GRID1: variants seen among roughly 807,000 people sequenced by gnomAD.
GRID1 encodes the protein glutamate ionotropic receptor delta type subunit 1.
A neutral mutation model predicts 98.0 loss-of-function variants in GRID1; 28 were observed. The ratio of observed to expected loss-of-function variants is 0.29; its 90% CI spans 0.21 to 0.39. The LOEUF (loss-of-function observed/expected upper bound fraction) is 0.39. Ranked by LOEUF, GRID1 falls within the 10% of genes least tolerant of loss-of-function variation. The pLI, the probability that GRID1 is intolerant of heterozygous loss-of-function variation, is 1.00. For synonymous variants in GRID1, 553 were observed against 538.5 expected (o/e 1.03, Z -0.37); for missense variants, 1,111 against 1,340.5 (o/e 0.83, Z 2.67).
intron 4 of GRID1, among the ~76,000 whole-genome samples, chr10:86,134,086 G>A (rs896525675): frequency 1.3e-5 from 2 of 152,238 alleles, no homozygotes; most frequent in Admixed American, 1.3e-4. Context: ...CAAAGCCCTG[G>A]AGTCCTCAAA....
At chr10:86,102,278 C>A (rs1307533944) in intron 4 of GRID1, among the ~76,000 whole-genome samples, 2 of 152,358 alleles carry the variant, frequency 1.3e-5, no homozygotes, top group African/African-American at 4.8e-5. Context: ...CTGATGCCAG[C>A]AATGGCTTAG....
At chr10:85,935,196 T>G (rs1841910348) in intron 4 of GRID1, among the ~76,000 whole-genome samples, 1 of 152,164 alleles carries the variant, frequency 6.6e-6, no homozygotes. Flanking sequence ...AGATGTTTCC[T>G]TATTCACCCA....
At chr10:85,869,563 C>T (rs1589281279) in intron 5 of GRID1, among the ~76,000 whole-genome samples, 2 of 152,214 alleles carry the variant, frequency 1.3e-5, no homozygotes, top group African/African-American at 2.4e-5. Context: ...CTGGGTTTCT[C>T]TGCCATAGTT....
At chr10:86,321,112 G>A (rs4933389) in intron 2 of GRID1, among the ~76,000 whole-genome samples, 9 of 75,592 alleles carry the variant, frequency 1.2e-4, no homozygotes, top group Non-Finnish European at 2.3e-4. Context: ...AAAAAAAAAA[G>A]AAAAAAAGCA....
At chr10:86,307,661 T>G (rs1045656771) in intron 2 of GRID1, among the ~76,000 whole-genome samples, 4 of 152,184 alleles carry the variant, frequency 2.6e-5, no homozygotes, top group South Asian at 2.1e-4. Flanking sequence ...TACTTCAAAT[T>G]TACTAAGAGA....
intron 2 of GRID1, among the ~76,000 whole-genome samples, chr10:86,315,345 C>T (rs552045204): frequency 7.4e-4 from 112 of 152,304 alleles, no homozygotes; most frequent in Non-Finnish European, 1.4e-3. Context: ...AGCCAGCACT[C>T]CTGGACCCCA....
intron 12 of GRID1, among the ~76,000 whole-genome samples, chr10:85,674,547 T>C (rs1021477234): frequency 1.3e-5 from 2 of 152,214 alleles, no homozygotes; most frequent in Non-Finnish European, 2.9e-5. Flanking sequence ...GACTATCCTA[T>C]GAAATCAACT....
intron 8 of GRID1, among the ~76,000 whole-genome samples, chr10:85,840,094 A>T (rs1372045793): frequency 2.6e-5 from 4 of 152,168 alleles, no homozygotes; most frequent in Non-Finnish European, 5.9e-5. Context: ...ATGAGCTCTG[A>T]AATTGAGGCC....
At chr10:86,175,224 G>A (rs11201920) in intron 3 of GRID1, among the ~76,000 whole-genome samples, 6,278 of 152,004 alleles carry the variant, frequency 0.041, 147 homozygotes, top group Non-Finnish European at 0.054. Context: ...GGGAGTAGCC[G>A]CAGATAGACT....
intron 5 of GRID1, among the ~76,000 whole-genome samples, chr10:85,902,869 T>C (rs1841408782): frequency 1.3e-5 from 2 of 152,092 alleles, no homozygotes; most frequent in African/African-American, 4.8e-5. Flanking sequence ...CCCTTTGAAA[T>C]GGTTTCTTCA....
At chr10:85,951,092 C>T (rs1489932824) in intron 4 of GRID1, among the ~76,000 whole-genome samples, 2 of 152,118 alleles carry the variant, frequency 1.3e-5, no homozygotes, top group African/African-American at 2.4e-5. Context: ...ATGTTTCTAT[C>T]CTCTTGTTCA....
At chr10:85,800,965 T>C (rs1842570525) in intron 8 of GRID1, among the ~76,000 whole-genome samples, 1 of 151,914 alleles carries the variant, frequency 6.6e-6, no homozygotes, top group South Asian at 2.1e-4. Context: ...TACATAAAAG[T>C]CAATTATTTA....
chr10:86,095,702 T>G (rs575780549), intron 4 of GRID1, among the ~76,000 whole-genome samples: 31 of 151,910 alleles, frequency 2.0e-4, no homozygotes, highest in Non-Finnish European at 4.3e-4. Context: ...AAAAAAAAAT[T>G]TTTTTAAAAG....
At chr10:85,757,091 G>A (rs1842106733) in intron 8 of GRID1, among the ~76,000 whole-genome samples, 1 of 152,174 alleles carries the variant, frequency 6.6e-6, no homozygotes, top group Admixed American at 6.5e-5. Context: ...GGCATGGTAA[G>A]CAAACCAAGC....
chr10:85,690,166 TA>T (rs1841316233), intron 12 of GRID1, among the ~76,000 whole-genome samples: 1 of 152,196 alleles, frequency 6.6e-6, no homozygotes, highest in African/African-American at 2.4e-5. Context: ...TATAGTCTTA[TA>T]TTTTTGTACT....
chr10:85,758,103 T>C (rs1017244027), intron 8 of GRID1, among the ~76,000 whole-genome samples: 3 of 152,236 alleles, frequency 2.0e-5, no homozygotes, highest in African/African-American at 7.2e-5. Context: ...CTTGATTCCA[T>C]TTCTGCATCT....
chr10:86,029,773 C>T (rs1484398808), intron 4 of GRID1, among the ~76,000 whole-genome samples: 2 of 151,778 alleles, frequency 1.3e-5, no homozygotes, highest in African/African-American at 2.4e-5. Flanking sequence ...TATGCTAGTT[C>T]TGGGCAATTA....
chr10:86,351,231 T>C (rs1271247320), intron 2 of GRID1, among the ~76,000 whole-genome samples: 1 of 152,252 alleles, frequency 6.6e-6, no homozygotes, highest in Non-Finnish European at 1.5e-5. Context: ...GACTCCGGCA[T>C]CCTGTGGCTC....
chr10:85,938,817 A>C (rs1589306034), intron 4 of GRID1, among the ~76,000 whole-genome samples: 1 of 152,222 alleles, frequency 6.6e-6, no homozygotes, highest in South Asian at 2.1e-4. Context: ...TGATTTGGAA[A>C]GCTTTAAAAA....
Sources: allele counts gnomAD v4.1 joint callset (sites outside exome capture counted in the v4.1 genomes callset), GRCh38; gene constraint gnomAD v4.1.1; transcripts MANE v1.5; gene names NCBI Gene and HGNC (gene_info 2026-07-23, HGNC 2026-07-21).